The following SGMS2 variants were observed in gnomAD, a reference collection of about 807,000 sequenced individuals.
SGMS2 encodes the protein phosphatidylcholine:ceramide cholinephosphotransferase 2.
Under a neutral mutation model 43.8 loss-of-function variants are expected in SGMS2, and 21 were observed. The ratio of observed to expected loss-of-function variants is 0.48; its 90% confidence interval spans 0.34 to 0.69. SGMS2 has a LOEUF of 0.69. Among genes scored for constraint, SGMS2 ranks in the 30% least tolerant of loss-of-function variants. SGMS2 has a pLI of 0.01. For missense variants in SGMS2, 384 were observed against 443.2 expected (o/e 0.87, Z 1.20); for synonymous variants, 167 against 160.6 (o/e 1.04, Z -0.30).
intron 1 of SGMS2, among the ~76,000 whole-genome samples, chr4:107,829,898 C>T (rs180814316): frequency 8.5e-5 from 13 of 152,106 alleles, no homozygotes; most frequent in Middle Eastern, 3.4e-3. Context: ...TTTTTCCTTC[C>T]AGCTTTTATT....
chr4:107,825,344 G>C (rs976180399), intron 1 of SGMS2, 91 bp downstream of exon 1: 1 of 152,398 alleles, frequency 6.6e-6, no homozygotes. Context: ...ATTGCGAAGC[G>C]GGGACGTGGC....
rs1732116854 is a variant in SGMS2 at position 107,911,461 on chromosome 4, T to C, written c.*908T>C. ...ACTTGGGGAATGAGCCTGTTTTCTT[T>C]CCAGGTCAGGCCCTGGTGTGAGATC... On this transcript the variant is annotated 3_prime_UTR_variant, in exon 7 of 7. Coordinates refer to ENST00000690982, the MANE Select transcript of SGMS2 (RefSeq NM_001375905.1). 1.3e-5 allele frequency: 2 copies of C among 152,232 alleles called. No individual in the cohort carries two copies. Among genetic ancestry groups the C allele is most frequent in the Non-Finnish European group, 2.9e-5 (2 of 68,040 alleles). 9.4% of individuals were successfully genotyped at this position (152,232 alleles called of 1,614,324 possible). A position where few individuals can be genotyped will look rare whatever the true frequency, so the allele number is the denominator to read the frequency against.
chr4:107,831,557 C>T (rs1725892933), intron 1 of SGMS2, among the ~76,000 whole-genome samples: 1 of 152,186 alleles, frequency 6.6e-6, no homozygotes, highest in Non-Finnish European at 1.5e-5. Context: ...AAGGGCTCAG[C>T]AATCATTATT....
At chr4:107,896,068 G>A (rs1014622020) in intron 3 of SGMS2, 60 bp downstream of exon 3, 5 of 1,442,448 alleles carry the variant, frequency 3.5e-6, no homozygotes, top group East Asian at 4.6e-5. Flanking sequence ...GAATAGATGG[G>A]TTATTGAGAT....
At chr4:107,881,977 G>C (rs1370797599) in intron 2 of SGMS2, among the ~76,000 whole-genome samples, 1 of 152,112 alleles carries the variant, frequency 6.6e-6, no homozygotes, top group Admixed American at 6.6e-5. Context: ...GTACTCTGTT[G>C]TGTATATGTA....
chr4:107,832,069 GTTTA>G (rs1343809878), intron 1 of SGMS2, among the ~76,000 whole-genome samples: 2 of 152,118 alleles, frequency 1.3e-5, no homozygotes, highest in Non-Finnish European at 2.9e-5. Flanking sequence ...CCCTGAGACA[GTTTA>G]TTTAACACAG....
intron 2 of SGMS2, among the ~76,000 whole-genome samples, chr4:107,860,712 AT>A (rs1238931957): frequency 6.6e-6 from 1 of 152,042 alleles, no homozygotes; most frequent in African/African-American, 2.4e-5. Flanking sequence ...TTTAGTAGAG[AT>A]GGGGTTTCGC....
At chr4:107,877,279 A>G (rs1242492669) in intron 2 of SGMS2, among the ~76,000 whole-genome samples, 1 of 152,222 alleles carries the variant, frequency 6.6e-6, no homozygotes, top group Admixed American at 6.5e-5. Flanking sequence ...CTGTCTAAAC[A>G]AAACAAAACA....
intron 6 of SGMS2, among the ~76,000 whole-genome samples, chr4:107,908,935 T>C (rs1478030482): frequency 6.6e-6 from 1 of 152,184 alleles, no homozygotes; most frequent in Non-Finnish European, 1.5e-5. Context: ...CATAAAGTTA[T>C]GGAGCACAGT....
chr4:107,848,815 G>T (rs1258236122), intron 1 of SGMS2, among the ~76,000 whole-genome samples: 2 of 152,094 alleles, frequency 1.3e-5, no homozygotes, highest in Non-Finnish European at 2.9e-5. Flanking sequence ...TTTATCAGAT[G>T]TGTGTTTTGC....
chr4:107,908,461 C>A, intron 5 of SGMS2, 104 bp from the exon 6 acceptor site: 1 of 1,141,806 alleles, frequency 8.8e-7, no homozygotes, highest in Non-Finnish European at 1.3e-6. Flanking sequence ...CTTCTGGTGA[C>A]TTCCTGATCC....
intron 1 of SGMS2, among the ~76,000 whole-genome samples, chr4:107,852,478 G>A (rs1221228891): frequency 6.6e-6 from 1 of 151,988 alleles, no homozygotes; most frequent in Non-Finnish European, 1.5e-5. Flanking sequence ...GTTATGCCTG[G>A]ATAAGCAAAA....
chr4:107,895,307 T>C lies in SGMS2; in HGVS notation c.-244-3T>C. On this transcript the variant is annotated splice_region_variant and splice_polypyrimidine_tract_variant and intron_variant, in intron 2 of 6. Transcript: ENST00000690982. ...TCTGAACATAATTTTGTTTTGCTTT[T>C]AGGTGGGATAGTAACATCTTTTTGA... 2.2e-6 allele frequency: 1 copy of C among 453,406 alleles called. No individual in the cohort carries two copies. Among genetic ancestry groups the C allele is most frequent in the Admixed American group, 3.9e-5 (1 of 25,972 alleles). The allele number at this position is 453,406 out of a possible 1,614,324, so 28.1% of individuals were successfully genotyped here. A position where few individuals can be genotyped will look rare whatever the true frequency, so the allele number is the denominator to read the frequency against.
chr4:107,830,168 A>G (rs1334862525), intron 1 of SGMS2, among the ~76,000 whole-genome samples: 2 of 152,258 alleles, frequency 1.3e-5, no homozygotes, highest in East Asian at 1.9e-4. Flanking sequence ...ACTTAGGATA[A>G]TGGCCTCCAG....
In SGMS2 at chr4:107,895,938, T is replaced by C. The variant is rs766744935; in HGVS notation, c.385T>C (p.Ser129Pro). ...DYIDRVKWAF[S>P]VSEINGIILV... ...CATTGATAGGGTGAAATGGGCATTT[T>C]CTGTATCAGAAATAAATGGGATTAT... The change falls in exon 3 of 7, where the codon TCT becomes CCT. Residue 129 changes from serine (S) to proline (P), a missense_variant. Ser to Pro is a moderately conservative substitution (Grantham distance 74). Transcript: ENST00000690982. The C allele has an allele frequency of 1.1e-5, 18 of 1,613,998 alleles. No homozygotes were observed. Among genetic ancestry groups the C allele is most frequent in the Non-Finnish European group, 1.5e-5 (18 of 1,179,940 alleles).
At chr4:107,856,646 C>T (rs1560640992) in intron 1 of SGMS2, among the ~76,000 whole-genome samples, 1 of 152,102 alleles carries the variant, frequency 6.6e-6, no homozygotes, top group Admixed American at 6.6e-5. Flanking sequence ...ACGAGAAAAA[C>T]ATCCTCCAAG....
At chr4:107,867,951 A>G (rs945371029) in intron 2 of SGMS2, 2 of 152,214 alleles carry the variant, frequency 1.3e-5, no homozygotes, top group Non-Finnish European at 2.9e-5. Flanking sequence ...TACATAGTCA[A>G]AATTTTTAAA....
intron 2 of SGMS2, among the ~76,000 whole-genome samples, chr4:107,870,042 T>C (rs1728443637): frequency 1.3e-5 from 2 of 152,220 alleles, no homozygotes; most frequent in African/African-American, 2.4e-5. Flanking sequence ...TTATATCTTC[T>C]TGGTGAGCTG....
In SGMS2 at chr4:107,913,454, A is replaced by G. The variant is rs1383719819; in HGVS notation, c.*2901A>G. 1 of 152,224 alleles carries G rather than the reference A, an allele frequency of 6.6e-6. No homozygotes were observed. The allele number at this position is 152,224 out of a possible 1,614,324, so 9.4% of individuals were successfully genotyped here. ...GAGTCTACTCTGGTTTGTGGATGAC[A>G]TTGCATTAGGGTTATTTCCTGTATT... is the stretch of plus-strand genomic sequence containing the variant. On this transcript the variant is annotated 3_prime_UTR_variant, in exon 7 of 7. Coordinates refer to ENST00000690982, the MANE Select transcript of SGMS2 (RefSeq NM_001375905.1).
Sources: gnomAD v4.1 joint callset for allele counts (sites outside exome capture counted in the v4.1 genomes callset) on GRCh38, gnomAD v4.1.1 for gene constraint, MANE v1.5 for transcripts, NCBI Gene and HGNC (gene_info 2026-07-23, HGNC 2026-07-21) for gene names.